CPLANE1: variants seen among roughly 807,000 people sequenced by gnomAD.
CPLANE1 encodes the protein ciliogenesis and planar polarity effector 1.
In CPLANE1, 263 loss-of-function variants were observed where a neutral mutation model predicts 362.5. That is an observed-to-expected ratio of 0.73 (90% CI 0.66 to 0.80). The LOEUF is 0.80. Ranked by LOEUF, CPLANE1 falls within the 30% of genes least tolerant of loss-of-function variation. The pLI is 0.00. For missense variants in CPLANE1, 3,461 were observed against 3,793.4 expected (o/e 0.91, Z 2.30); for synonymous variants, 1,212 against 1,302.6 (o/e 0.93, Z 1.50).
At chr5:37,244,196 G>A (rs1738710850) in intron 5 of CPLANE1, among the ~76,000 whole-genome samples, 179 bp downstream of exon 5, 1 of 152,144 alleles carries the variant, frequency 6.6e-6, no homozygotes, top group African/African-American at 2.4e-5. Context: ...GGAGTTCTAA[G>A]TTAAAACTAA....
At chr5:37,081,581 C>A in the CPLANE1 span, among the ~76,000 whole-genome samples, 2 of 152,026 alleles carry the variant, frequency 1.3e-5, no homozygotes, top group African/African-American at 4.8e-5. Context: ...CCTCAGCCTC[C>A]CAAAGCGCTG....
At chr5:37,243,651 C>A (rs10042473) in intron 5 of CPLANE1, among the ~76,000 whole-genome samples, 32,683 of 146,256 alleles carry the variant, frequency 0.22, 3,691 homozygotes, top group East Asian at 0.34. Context: ...AGCTCTCTCT[C>A]TATATATAAT....
At chr5:37,102,624 T>C (rs979884747), downstream of CPLANE1, among the ~76,000 whole-genome samples, 3 of 152,218 alleles carry the variant, frequency 2.0e-5, no homozygotes, top group Non-Finnish European at 4.4e-5. Flanking sequence ...TTCTCATTAA[T>C]TTCAAATAAC....
In CPLANE1 at chr5:37,125,374, G is replaced by C; in HGVS notation, c.8828C>G (p.Thr2943Ser). 6.2e-7 allele frequency: 1 copy of C among 1,613,194 alleles called. No individual in the cohort carries two copies. Among genetic ancestry groups the C allele is most frequent in the Non-Finnish European group, 8.5e-7 (1 of 1,179,824 alleles). The part of the protein sequence containing the change: ...QHYSGRHSQR[T>S]DKERREIQAW... Reference sequence around the variant, plus strand: ...TTGAATCTCTCTTCTTTCCTTGTCAGTTCTTTGTGAATGTCTGCCAGAATA... The same window carrying C: ...TTGAATCTCTCTTCTTTCCTTGTCACTTCTTTGTGAATGTCTGCCAGAATA... The change falls in exon 47 of 53, where the codon ACT (threonine) becomes AGT (serine). Residue 2943 changes from threonine to serine, a missense_variant. This residue lies in a region of CPLANE1 where 3,380 missense variants were observed against 3,666.1 expected (regional missense o/e 0.92). Transcript: ENST00000651892.
intron 34 of CPLANE1, among the ~76,000 whole-genome samples, chr5:37,167,760 G>A (rs1360535791): frequency 1.3e-5 from 2 of 152,178 alleles, no homozygotes; most frequent in African/African-American, 2.4e-5. Flanking sequence ...CCTGGTGACA[G>A]GGCAAGGCTC....
In CPLANE1 at chr5:37,249,265, G is replaced by C. The variant is rs1740953409; in HGVS notation, c.-68C>G. ...GTTACCTCCGCCAGGGGCAGGGTCCGGCCAGTCAGGCGCGAGAAGGCTAGG... is the reference window on the plus strand; with the variant it reads ...GTTACCTCCGCCAGGGGCAGGGTCCCGCCAGTCAGGCGCGAGAAGGCTAGG... On this transcript the variant is annotated 5_prime_UTR_variant, in exon 1 of 53. Coordinates refer to ENST00000651892, the MANE Select transcript of CPLANE1 (RefSeq NM_001384732.1). The C allele has an allele frequency of 6.6e-6, 1 of 152,528 alleles. No individual in the cohort carries two copies. Among genetic ancestry groups the C allele is most frequent in the African/African-American group, 2.4e-5 (1 of 41,470 alleles). 9.4% of individuals were successfully genotyped at this position (152,528 alleles called of 1,614,324 possible).
intron 34 of CPLANE1, among the ~76,000 whole-genome samples, chr5:37,168,457 C>A (rs1398209129): frequency 6.8e-6 from 1 of 147,294 alleles, no homozygotes; most frequent in Non-Finnish European, 1.5e-5. Flanking sequence ...ATGAAAGAGT[C>A]CAGTAAATTC....
At chr5:37,224,427 A>G in intron 13 of CPLANE1, 94 bp from the exon 14 acceptor site, 2 of 1,293,798 alleles carry the variant, frequency 1.5e-6, no homozygotes, top group African/African-American at 1.5e-5. Context: ...GAGCTCAGCC[A>G]GAAATTATTT....
intron 48 of CPLANE1, 70 bp from the exon 49 acceptor site, chr5:37,121,854 T>C: frequency 7.6e-7 from 1 of 1,311,420 alleles, no homozygotes; most frequent in Non-Finnish European, 1.1e-6. Context: ...GGGAATATAG[T>C]GTTTGAAGAT....
At chr5:37,076,774 T>C in the CPLANE1 span, among the ~76,000 whole-genome samples, 1 of 150,990 alleles carries the variant, frequency 6.6e-6, no homozygotes, top group East Asian at 1.9e-4. Context: ...ATTTTCTCTA[T>C]TATTTTGCCT....
the CPLANE1 span, among the ~76,000 whole-genome samples, chr5:37,093,741 A>G: frequency 6.6e-6 from 1 of 152,220 alleles, no homozygotes; most frequent in Non-Finnish European, 1.5e-5. Flanking sequence ...ATAAGACCCA[A>G]TGCAGAAAAC....
At chr5:37,085,174 A>G in the CPLANE1 span, 2 of 806,130 alleles carry the variant, frequency 2.5e-6, no homozygotes, top group East Asian at 4.9e-5. Flanking sequence ...AAGTTGAGAG[A>G]GTGTCTCCCC....
At chr5:37,239,894 A>G in intron 6 of CPLANE1, 25 bp from the exon 7 acceptor site, 1 of 1,431,532 alleles carries the variant, frequency 7.0e-7, no homozygotes. Context: ...AAATAATTGA[A>G]AACAAAAGGT....
At position 37,169,068 on chromosome 5, in the gene CPLANE1, T is replaced by C; in HGVS notation, c.6956A>G (p.Gln2319Arg). The C allele has an allele frequency of 6.2e-7, 1 of 1,614,236 alleles. No individual in the cohort carries two copies. Among genetic ancestry groups the C allele is most frequent in the Non-Finnish European group, 8.5e-7 (1 of 1,180,048 alleles). ...TEIPNHVNLDQYVGQENLTPQ... is the reference protein window; with the variant it reads ...TEIPNHVNLDRYVGQENLTPQ... ...TGTCAAATTTTCTTGTCCAACATAT[T>C]GATCCAAGTTCACATGATTAGGAAT... is the stretch of plus-strand genomic sequence containing the variant. The change falls in exon 34 of 53, where the codon CAA becomes CGA. Residue 2319 changes from glutamine (Q) to arginine (R), a missense_variant. Gln to Arg is a conservative substitution (Grantham distance 43, BLOSUM62 1). Around this residue, in one of 2 missense-constraint regions of CPLANE1, gnomAD observed 3,380 missense variants for 3,666.1 expected, o/e 0.92. Coordinates refer to ENST00000651892, the MANE Select transcript of CPLANE1 (RefSeq NM_001384732.1).
chr5:37,221,635 C>G (rs1795372723), intron 14 of CPLANE1, 147 bp from the exon 15 acceptor site: 1 of 454,682 alleles, frequency 2.2e-6, no homozygotes, highest in Non-Finnish European at 3.7e-6. Flanking sequence ...CTGTTTCACA[C>G]TTCAATAAAT....
At chr5:37,168,686 G>T in intron 34 of CPLANE1, 105 bp downstream of exon 34, 1 of 938,424 alleles carries the variant, frequency 1.1e-6, no homozygotes, top group Non-Finnish European at 1.6e-6. Flanking sequence ...TCTATAACAA[G>T]CATTTTTTTA....
intron 46 of CPLANE1, among the ~76,000 whole-genome samples, chr5:37,127,128 G>A (rs1764358111): frequency 6.6e-6 from 1 of 152,196 alleles, no homozygotes; most frequent in Admixed American, 6.5e-5. Context: ...ACTGGGAAAA[G>A]ACTCTTAGAA....
chr5:37,150,064 A>ATTT (rs1408408173), intron 42 of CPLANE1, among the ~76,000 whole-genome samples: 2 of 152,170 alleles, frequency 1.3e-5, no homozygotes, highest in African/African-American at 4.8e-5. Context: ...CCTTTTCAAA[A>ATTT]TGCCAAGTCA....
the CPLANE1 span, among the ~76,000 whole-genome samples, chr5:37,099,579 C>T: frequency 1.3e-5 from 2 of 152,046 alleles, no homozygotes; most frequent in Admixed American, 6.6e-5. Flanking sequence ...TTTTTGTTAT[C>T]GTGAACAGTG....
Sources: allele counts gnomAD v4.1 joint callset (sites outside exome capture counted in the v4.1 genomes callset), GRCh38; gene constraint gnomAD v4.1.1; regional missense constraint gnomAD v4.1.1; transcripts MANE v1.5; gene names NCBI Gene and HGNC (gene_info 2026-07-23, HGNC 2026-07-21).